SNX3: variants seen among roughly 807,000 people sequenced by gnomAD.
SNX3 encodes sorting nexin 3.
In SNX3, 5 loss-of-function variants were observed where a neutral mutation model predicts 17.7. The ratio of observed to expected loss-of-function variants is 0.28; its 90% CI spans 0.15 to 0.59. The LOEUF (loss-of-function observed/expected upper bound fraction) is 0.59. Among genes scored for constraint, SNX3 ranks in the 20% least tolerant of loss-of-function variants. The pLI is 0.88. For synonymous variants in SNX3, 91 were observed against 76.5 expected (o/e 1.19, Z -0.99); for missense variants, 132 against 206.8 (o/e 0.64, Z 2.22).
intron 1 of SNX3, among the ~76,000 whole-genome samples, chr6:108,242,058 T>C (rs1318372297): frequency 6.6e-6 from 1 of 151,990 alleles, no homozygotes; most frequent in East Asian, 1.9e-4. Flanking sequence ...AAATGAAAAA[T>C]TAACTGAAGG....
intron 2 of SNX3, among the ~76,000 whole-genome samples, chr6:108,221,764 C>T (rs927237182): frequency 2.0e-5 from 3 of 151,744 alleles, no homozygotes; most frequent in African/African-American, 4.8e-5. Context: ...ACGCTGGTCT[C>T]GAACTCCTTG....
chr6:108,228,446 T>C (rs847608), intron 1 of SNX3, among the ~76,000 whole-genome samples: 40,049 of 151,858 alleles, frequency 0.26, 7,446 homozygotes, highest in African/African-American at 0.51. Flanking sequence ...CTACTCGGGA[T>C]GCTGAGGCAG....
chr6:108,220,660 A>G (rs529545275), intron 2 of SNX3, among the ~76,000 whole-genome samples: 7 of 152,272 alleles, frequency 4.6e-5, no homozygotes, highest in Non-Finnish European at 7.4e-5. Context: ...ACTACACCAC[A>G]TTGTTTGAAT....
intron 2 of SNX3, among the ~76,000 whole-genome samples, chr6:108,219,854 C>CA (rs1349242487): frequency 4.6e-5 from 7 of 152,080 alleles, no homozygotes; most frequent in Non-Finnish European, 8.8e-5. Context: ...CAGTGTTTCC[C>CA]ATCAGAGATG....
chr6:108,216,084 T>C (rs1205847979), intron 2 of SNX3, among the ~76,000 whole-genome samples: 1 of 152,176 alleles, frequency 6.6e-6, no homozygotes, highest in Non-Finnish European at 1.5e-5. Flanking sequence ...TTGTGCATTC[T>C]TTTCTTTCTT....
intron 1 of SNX3, among the ~76,000 whole-genome samples, chr6:108,241,140 T>C (rs1775509110): frequency 1.5e-5 from 1 of 67,090 alleles, no homozygotes; most frequent in Non-Finnish European, 2.6e-5. Flanking sequence ...CAAGACTCCG[T>C]CTCAAAAAAA....
chr6:108,238,400 C>A (rs1775418018), intron 1 of SNX3, among the ~76,000 whole-genome samples: 1 of 152,080 alleles, frequency 6.6e-6, no homozygotes, highest in Non-Finnish European at 1.5e-5. Flanking sequence ...GTTTTAGGCT[C>A]AGAGGCTTTA....
chr6:108,260,974 A>AGCC lies in SNX3; in HGVS notation c.-56_-54dup, dbSNP rs540671479. 5.0e-4 allele frequency: 720 copies of AGCC among 1,430,072 alleles called. 9 individuals are homozygous for AGCC. In the East Asian group the frequency reaches 0.011, roughly 22 times the overall value. 88.6% of individuals were successfully genotyped at this position (1,430,072 alleles called of 1,614,324 possible). A position where few individuals can be genotyped will look rare whatever the true frequency, so the allele number is the denominator to read the frequency against. On this transcript the variant is annotated 5_prime_UTR_variant, in exon 1 of 4. Transcript: ENST00000230085. ...GGCTCCCTCCGCCCCCTCCGCGTTC[A>AGCC]GCCGCCGCCGCCGCCGCTGCTGCCC...
At chr6:108,231,135 T>C (rs1775137625) in intron 1 of SNX3, among the ~76,000 whole-genome samples, 1 of 151,164 alleles carries the variant, frequency 6.6e-6, no homozygotes, top group South Asian at 2.1e-4. Flanking sequence ...AGACACAGTC[T>C]CCCTTGTCAC....
intron 1 of SNX3, among the ~76,000 whole-genome samples, chr6:108,223,438 G>A (rs118050259): frequency 0.035 from 5,216 of 147,820 alleles, 169 homozygotes; most frequent in South Asian, 0.17. Context: ...GCACCCGGCC[G>A]AAATCATGAT....
chr6:108,241,613 C>T (rs1294494991), intron 1 of SNX3, among the ~76,000 whole-genome samples: 1 of 151,088 alleles, frequency 6.6e-6, no homozygotes, highest in African/African-American at 2.4e-5. Context: ...GAAAACCTGG[C>T]TTAAAAAAAA....
chr6:108,234,381 G>A (rs999254731), intron 1 of SNX3, among the ~76,000 whole-genome samples: 4 of 152,018 alleles, frequency 2.6e-5, no homozygotes, highest in Admixed American at 2.6e-4. Context: ...GGCAAAACCC[G>A]TTTCTACCAA....
intron 1 of SNX3, among the ~76,000 whole-genome samples, chr6:108,225,500 G>A (rs1327279260): frequency 6.7e-6 from 1 of 148,364 alleles, no homozygotes; most frequent in African/African-American, 2.5e-5. Flanking sequence ...GCATGGTGGC[G>A]GGCGCCTGCA....
intron 2 of SNX3, among the ~76,000 whole-genome samples, chr6:108,215,053 A>G (rs1414918494): frequency 1.3e-5 from 2 of 152,262 alleles, no homozygotes; most frequent in African/African-American, 4.8e-5. Flanking sequence ...ATGGTTAGGT[A>G]AGAATTCTGG....
chr6:108,248,982 C>T (rs1408192603), intron 1 of SNX3, among the ~76,000 whole-genome samples: 1 of 152,110 alleles, frequency 6.6e-6, no homozygotes, highest in African/African-American at 2.4e-5. Context: ...ATAGTTCAAC[C>T]AATACCAACT....
At chr6:108,231,432 G>A (rs901111261) in intron 1 of SNX3, among the ~76,000 whole-genome samples, 2 of 152,008 alleles carry the variant, frequency 1.3e-5, no homozygotes, top group African/African-American at 2.4e-5. Flanking sequence ...GTCGCCCCCT[G>A]TCTTGTTGTC....
At chr6:108,242,504 C>T (rs1254836920) in intron 1 of SNX3, among the ~76,000 whole-genome samples, 1 of 152,136 alleles carries the variant, frequency 6.6e-6, no homozygotes, top group African/African-American at 2.4e-5. Flanking sequence ...AAGGAAGCAA[C>T]AGCATATTCA....
chr6:108,218,852 G>A (rs1774666251), intron 2 of SNX3, among the ~76,000 whole-genome samples: 1 of 152,216 alleles, frequency 6.6e-6, no homozygotes, highest in Admixed American at 6.5e-5. Context: ...TAGGCTGAGT[G>A]AGGAAGGGTT....
chr6:108,254,122 G>A (rs1301672416), intron 1 of SNX3, among the ~76,000 whole-genome samples: 5 of 109,530 alleles, frequency 4.6e-5, no homozygotes, highest in Non-Finnish European at 7.3e-5. Flanking sequence ...GTGAGATTCC[G>A]TCTCAAAGAA....
Sources: gnomAD v4.1 joint callset for allele counts (sites outside exome capture counted in the v4.1 genomes callset) on GRCh38, gnomAD v4.1.1 for gene constraint, MANE v1.5 for transcripts, NCBI Gene and HGNC (gene_info 2026-07-23, HGNC 2026-07-21) for gene names.